Variants in FGGY observed in about 807,000 individuals in gnomAD.
The protein encoded by FGGY is FGGY carbohydrate kinase domain-containing protein.
In FGGY, 72 loss-of-function variants were observed where a neutral mutation model predicts 71.3. The observed-to-expected ratio is 1.01, with a 90% confidence interval of 0.84 to 1.23. FGGY has a LOEUF of 1.23. Ranked by LOEUF, FGGY falls within the 50% of genes most tolerant of loss-of-function variation. The pLI, the probability that FGGY is intolerant of heterozygous loss-of-function variation, is 0.00. For synonymous variants in FGGY, 251 were observed against 250.3 expected (o/e 1.00, Z -0.02); for missense variants, 668 against 682.3 (o/e 0.98, Z 0.23).
At chr1:59,591,143 T>C (rs374485175) in intron 8 of FGGY, among the ~76,000 whole-genome samples, 1 of 148,806 alleles carries the variant, frequency 6.7e-6, no homozygotes, top group Non-Finnish European at 1.5e-5. Flanking sequence ...TATACACCAA[T>C]AACAGACAAA....
chr1:59,624,808 C>T (rs1170911750), intron 9 of FGGY, among the ~76,000 whole-genome samples: 1 of 152,114 alleles, frequency 6.6e-6, no homozygotes, highest in Non-Finnish European at 1.5e-5. Flanking sequence ...GGGTCCCTCC[C>T]ACAACATGTG....
intron 14 of FGGY, among the ~76,000 whole-genome samples, chr1:59,723,823 C>T (rs2097917600): frequency 6.6e-6 from 1 of 152,154 alleles, no homozygotes; most frequent in Non-Finnish European, 1.5e-5. Context: ...TAATGTCATG[C>T]ATATTCAATT....
intron 7 of FGGY, among the ~76,000 whole-genome samples, chr1:59,543,796 G>A (rs539242831): frequency 6.6e-6 from 1 of 151,996 alleles, no homozygotes; most frequent in Non-Finnish European, 1.5e-5. Context: ...TCACTGGTTT[G>A]TTTTATGTTT....
At chr1:59,507,684 A>ATTTTTTTTTTTTTTTTTTTTTTTTT (rs561953004) in intron 6 of FGGY, among the ~76,000 whole-genome samples, 7 of 106,902 alleles carry the variant, frequency 6.5e-5, no homozygotes, top group African/African-American at 1.2e-4. Context: ...TGCTTGGCTA[A>ATTTTTTTTTTTTTTTTTTTTTTTTT]TTTTTTTTTT....
At chr1:59,760,644 C>CATCAGTG (rs1202050303) in intron 15 of FGGY, among the ~76,000 whole-genome samples, 2 of 152,150 alleles carry the variant, frequency 1.3e-5, no homozygotes, top group African/African-American at 4.8e-5. Context: ...ACATGCCACA[C>CATCAGTG]ATCAGTGAAC....
intron 14 of FGGY, among the ~76,000 whole-genome samples, chr1:59,739,403 A>G (rs1160628477): frequency 6.6e-6 from 1 of 152,194 alleles, no homozygotes; most frequent in Non-Finnish European, 1.5e-5. Context: ...GCCATATGTA[A>G]AAACGTTCAT....
rs565354392 is a variant in FGGY at position 59,607,895 on chromosome 1, C to T, written c.996C>T (p.Ser332=). ...TCTGGCTGAATGAAGGTGGTCAGAG[C>T]GTTACTGGAAAATTGGTAAGTTGAC... ...PGFWLNEGGQ[S]VTGKLIDHMV... is the part of the protein sequence containing the mutation. Residue 332 remains serine, a synonymous_variant, in exon 9 of 16, where the codon AGC becomes AGT. Transcript: ENST00000303721. The T allele has an allele frequency of 5.1e-5, 82 of 1,613,638 alleles. No individual in the cohort carries two copies. In the South Asian group the frequency reaches 6.2e-4, roughly 12 times the overall value.
At chr1:59,515,280 A>T (rs375619684) in intron 7 of FGGY, among the ~76,000 whole-genome samples, 1 of 152,118 alleles carries the variant, frequency 6.6e-6, no homozygotes, top group African/African-American at 2.4e-5. Flanking sequence ...GTTTTGGCCA[A>T]TTTCTCCTGG....
intron 8 of FGGY, among the ~76,000 whole-genome samples, chr1:59,604,727 C>A (rs2096607265): frequency 6.6e-6 from 1 of 152,198 alleles, no homozygotes; most frequent in Admixed American, 6.5e-5. Context: ...CATCCATGTA[C>A]TAACCATAGA....
chr1:59,416,706 A>T (rs1249236797), intron 5 of FGGY, among the ~76,000 whole-genome samples: 2 of 152,146 alleles, frequency 1.3e-5, no homozygotes, highest in Admixed American at 1.3e-4. Context: ...TTCTCCTTTG[A>T]TGCTGGAAGA....
At chr1:59,533,470 CG>C (rs2095219818) in intron 7 of FGGY, among the ~76,000 whole-genome samples, 1 of 152,316 alleles carries the variant, frequency 6.6e-6, no homozygotes, top group Admixed American at 6.5e-5. Flanking sequence ...GCAAAGCAGC[CG>C]GGAAGCTCGA....
chr1:59,324,838 C>T (rs550760067), intron 2 of FGGY, among the ~76,000 whole-genome samples: 59 of 152,290 alleles, frequency 3.9e-4, no homozygotes, highest in African/African-American at 1.3e-3. Flanking sequence ...TGAGGTTACC[C>T]AGGATTACGA....
At chr1:59,737,441 C>A (rs2098115536) in intron 14 of FGGY, among the ~76,000 whole-genome samples, 1 of 152,236 alleles carries the variant, frequency 6.6e-6, no homozygotes, top group African/African-American at 2.4e-5. Flanking sequence ...AGGTTGTACC[C>A]TGCAGATCCA....
At chr1:59,616,407 C>G (rs1342747403) in intron 9 of FGGY, among the ~76,000 whole-genome samples, 1 of 152,136 alleles carries the variant, frequency 6.6e-6, no homozygotes, top group Non-Finnish European at 1.5e-5. Flanking sequence ...TGCATGTTCT[C>G]ACTCATAGGT....
chr1:59,672,576 A>G (rs189355797), intron 13 of FGGY, among the ~76,000 whole-genome samples: 18 of 152,282 alleles, frequency 1.2e-4, no homozygotes, highest in Middle Eastern at 3.4e-3. Context: ...CATGTTGGCA[A>G]TGTCTTAAGT....
intron 4 of FGGY, among the ~76,000 whole-genome samples, chr1:59,370,418 A>C (rs1326556689): frequency 6.6e-6 from 1 of 152,220 alleles, no homozygotes; most frequent in Non-Finnish European, 1.5e-5. Flanking sequence ...GAAAGACCAA[A>C]TCTACGTCTG....
At chr1:59,363,310 T>C (rs937870779) in intron 4 of FGGY, among the ~76,000 whole-genome samples, 2 of 152,196 alleles carry the variant, frequency 1.3e-5, no homozygotes, top group African/African-American at 4.8e-5. Context: ...AAGCCCCTAC[T>C]CTTTCCTGAA....
chr1:59,666,404 C>T (rs1448814111), intron 12 of FGGY, among the ~76,000 whole-genome samples: 1 of 152,156 alleles, frequency 6.6e-6, no homozygotes, highest in African/African-American at 2.4e-5. Flanking sequence ...TAGTCCTTAT[C>T]CCAAATAAAT....
intron 14 of FGGY, among the ~76,000 whole-genome samples, chr1:59,688,525 A>G (rs1353183555): frequency 6.6e-6 from 1 of 152,128 alleles, no homozygotes; most frequent in Non-Finnish European, 1.5e-5. Context: ...AGCCTTATTC[A>G]CCTAATTCTC....
Sources: gnomAD v4.1 joint callset for allele counts (sites outside exome capture counted in the v4.1 genomes callset) on GRCh38, gnomAD v4.1.1 for gene constraint, MANE v1.5 for transcripts, NCBI Gene and HGNC (gene_info 2026-07-23, HGNC 2026-07-21) for gene names.